The following DKK2 variants were observed in gnomAD, a reference collection of about 807,000 sequenced individuals.
The protein encoded by DKK2 is dickkopf-related protein 2.
Under a neutral mutation model 28.1 loss-of-function variants are expected in DKK2, and 11 were observed. That is an observed-to-expected ratio of 0.39 (90% CI 0.25 to 0.65). DKK2 has a LOEUF of 0.65. Among genes scored for constraint, DKK2 ranks in the 30% least tolerant of loss-of-function variants. The probability of loss-of-function intolerance (pLI) is 0.47; values close to 1 mark genes in which losing one functional copy is unlikely to be tolerated. For synonymous variants in DKK2, 135 were observed against 126.5 expected, an observed-to-expected ratio of 1.07 and a Z score of -0.45; for missense variants, 326 against 335.5, an observed-to-expected ratio of 0.97 and a Z score of 0.22.
At chr4:106,962,423 C>T (rs1334825187) in intron 1 of DKK2, among the ~76,000 whole-genome samples, 2 of 150,580 alleles carry the variant, frequency 1.3e-5, no homozygotes, top group Non-Finnish European at 2.9e-5. Flanking sequence ...AACTGATTTT[C>T]AATAAAGGTG....
intron 1 of DKK2, among the ~76,000 whole-genome samples, chr4:106,960,141 C>CAT (rs1376603394): frequency 6.7e-6 from 1 of 149,320 alleles, no homozygotes; most frequent in East Asian, 2.0e-4. Context: ...TACACACACA[C>CAT]ATATATATAC....
intron 1 of DKK2, among the ~76,000 whole-genome samples, chr4:106,974,021 GT>G (rs1051700491): frequency 3.9e-4 from 60 of 152,068 alleles, no homozygotes; most frequent in African/African-American, 1.4e-3. Flanking sequence ...TTTTTGTCAG[GT>G]TTGTCAAAGA....
chr4:106,957,153 T>C (rs1285436379), intron 1 of DKK2, among the ~76,000 whole-genome samples: 1 of 151,892 alleles, frequency 6.6e-6, no homozygotes, highest in Non-Finnish European at 1.5e-5. Context: ...CATGAGAAAA[T>C]GCTCATCATC....
At chr4:107,017,467 C>G (rs1723626882) in intron 1 of DKK2, among the ~76,000 whole-genome samples, 1 of 151,910 alleles carries the variant, frequency 6.6e-6, no homozygotes, top group African/African-American at 2.4e-5. Context: ...GAGAGAGAAT[C>G]AGAGACCAAG....
At chr4:106,948,090 T>C (rs1724804551) in intron 1 of DKK2, among the ~76,000 whole-genome samples, 1 of 152,198 alleles carries the variant, frequency 6.6e-6, no homozygotes. Flanking sequence ...GTGGGCATTA[T>C]TAACTTCAGT....
At chr4:107,030,976 G>A (rs1256978742) in intron 1 of DKK2, among the ~76,000 whole-genome samples, 1 of 151,856 alleles carries the variant, frequency 6.6e-6, no homozygotes, top group African/African-American at 2.4e-5. Flanking sequence ...GTCACAGCTG[G>A]AGTAAGTTTG....
At position 106,924,028 on chromosome 4, in the gene DKK2, C is replaced by T; in HGVS notation, c.706G>A (p.Gly236Ser). 1 of 1,613,892 alleles carries T rather than the reference C, an allele frequency of 6.2e-7. No individual in the cohort carries two copies. The highest frequency in any genetic ancestry group is 8.5e-7 in the Non-Finnish European group (1 of 1,179,912). ...EIFQRCDCAK[G>S]LSCKVWKDAT... ...TCTTTCCATACTTTGCAAGACAGGC[C>T]CTTCGCACAGTCGCAACGCTGGAAA... The change falls in exon 4 of 4, where the codon GGC becomes AGC. Residue 236 changes from glycine (G) to serine (S), a missense_variant. Gly to Ser is a moderately conservative substitution (Grantham distance 56). Coordinates refer to ENST00000285311, the MANE Select transcript of DKK2 (RefSeq NM_014421.3).
intron 1 of DKK2, among the ~76,000 whole-genome samples, chr4:106,956,282 C>A (rs1722588862): frequency 6.6e-6 from 1 of 152,258 alleles, no homozygotes; most frequent in African/African-American, 2.4e-5. Flanking sequence ...ACATTCCATG[C>A]TCATGGGTAG....
chr4:107,011,008 T>C (rs1210005867), intron 1 of DKK2, among the ~76,000 whole-genome samples: 2 of 151,534 alleles, frequency 1.3e-5, no homozygotes, highest in Non-Finnish European at 3.0e-5. Context: ...TGGATACTCT[T>C]ATCTGCTTCT....
At chr4:106,935,711 T>A (rs1222287027) in intron 1 of DKK2, among the ~76,000 whole-genome samples, 3 of 152,144 alleles carry the variant, frequency 2.0e-5, no homozygotes, top group African/African-American at 7.2e-5. Context: ...GACTTAAATG[T>A]CCCTGTCTGA....
rs188411840 is a variant in DKK2, at chr4:106,990,246, A to G, written c.222+45124T>C. Among the ~76,000 whole-genome samples the G allele has an allele frequency of 3.2e-3, 489 of 152,368 alleles. 4 individuals are homozygous for G. The highest frequency in any genetic ancestry group is 0.011 in the African/African-American group (474 of 41,596). ...GTCACACCACTATGACAGTCCCACT[A>G]TCAAGAGGTCAATAGCCACATGTAG... On this transcript the variant is annotated intron_variant, in intron 1 of 3. Transcript: ENST00000285311.
chr4:106,989,184 C>A (rs981309010), intron 1 of DKK2, among the ~76,000 whole-genome samples: 1 of 152,144 alleles, frequency 6.6e-6, no homozygotes, highest in Non-Finnish European at 1.5e-5. Context: ...AGACCACCTA[C>A]ATTTTGAGGA....
chr4:107,001,940 T>C (rs1435623678), intron 1 of DKK2, among the ~76,000 whole-genome samples: 1 of 152,202 alleles, frequency 6.6e-6, no homozygotes, highest in East Asian at 1.9e-4. Context: ...TACATTACTT[T>C]GATTACACCA....
At chr4:107,027,335 A>T (rs571258087) in intron 1 of DKK2, among the ~76,000 whole-genome samples, 1 of 152,272 alleles carries the variant, frequency 6.6e-6, no homozygotes. Context: ...AGAAACATTT[A>T]CTGGCAGTTT....
Position 106,966,878 on chromosome 4 carries a change from C to G in DKK2, c.223-40929G>C, listed in dbSNP as rs1560582131. Among the ~76,000 whole-genome samples the G allele has an allele frequency of 2.6e-5, 4 of 152,148 alleles. 1 individual carries two copies. ...CCCTCATAATTCAATCACCTCCCCC[C>G]TGGTTCTTCCCACAACAAGTGGGAA... On this transcript the variant is annotated intron_variant, in intron 1 of 3. Coordinates refer to ENST00000285311, the MANE Select transcript of DKK2 (RefSeq NM_014421.3).
At chr4:106,984,937 C>T (rs962252991) in intron 1 of DKK2, among the ~76,000 whole-genome samples, 7 of 152,244 alleles carry the variant, frequency 4.6e-5, no homozygotes, top group Non-Finnish European at 1.0e-4. Context: ...GGGCCGGGCA[C>T]GGTGGCTCAC....
At chr4:106,972,817 G>A (rs761975573) in intron 1 of DKK2, among the ~76,000 whole-genome samples, 1 of 152,110 alleles carries the variant, frequency 6.6e-6, no homozygotes, top group Admixed American at 6.6e-5. Flanking sequence ...GTATGCATGT[G>A]CCATGATGGT....
At chr4:107,013,489 G>A (rs572284297) in intron 1 of DKK2, among the ~76,000 whole-genome samples, 243 of 151,372 alleles carry the variant, frequency 1.6e-3, no homozygotes, top group African/African-American at 5.5e-3. Context: ...GGATATACAC[G>A]TGTAAAAGAA....
chr4:106,935,559 AG>A (rs1724571526), intron 1 of DKK2, among the ~76,000 whole-genome samples: 1 of 152,230 alleles, frequency 6.6e-6, no homozygotes, highest in Admixed American at 6.5e-5. Context: ...GCCATTGCCC[AG>A]GCTTGCTTAG....
Sources: gnomAD v4.1 joint callset for allele counts (sites outside exome capture counted in the v4.1 genomes callset) on GRCh38, gnomAD v4.1.1 for gene constraint, MANE v1.5 for transcripts, NCBI Gene and HGNC (gene_info 2026-07-23, HGNC 2026-07-21) for gene names.